The following CCBE1 variants were observed in gnomAD, a reference collection of about 807,000 sequenced individuals.
CCBE1 encodes the protein collagen and calcium binding EGF domains 1, also known as collagen and calcium-binding EGF domain-containing protein 1.
CCBE1 carries 37 observed loss-of-function variants against 50.0 expected under a neutral mutation model. The ratio of observed to expected loss-of-function variants is 0.74; its 90% CI spans 0.57 to 0.97. The LOEUF (loss-of-function observed/expected upper bound fraction) is 0.97, where lower values mean the gene tolerates loss of function less well. CCBE1 is among the 50% of genes least tolerant of loss of function. The pLI is 0.00. For synonymous variants in CCBE1, 234 were observed against 203.7 expected (o/e 1.15, Z -1.27); for missense variants, 538 against 523.8 (o/e 1.03, Z -0.26).
At chr18:59,525,137 T>C (rs1330130963) in intron 2 of CCBE1, among the ~76,000 whole-genome samples, 1 of 152,238 alleles carries the variant, frequency 6.6e-6, no homozygotes, top group Non-Finnish European at 1.5e-5. Flanking sequence ...TTCTAGGTCT[T>C]TGAGGAATCA....
intron 2 of CCBE1, among the ~76,000 whole-genome samples, chr18:59,518,936 A>C (rs980798420): frequency 2.0e-5 from 3 of 152,196 alleles, no homozygotes; most frequent in African/African-American, 7.2e-5. Flanking sequence ...TATGATTCCC[A>C]GAGTTCCCAG....
At chr18:59,674,469 G>C (rs2054472876) in intron 2 of CCBE1, among the ~76,000 whole-genome samples, 1 of 152,142 alleles carries the variant, frequency 6.6e-6, no homozygotes, top group African/African-American at 2.4e-5. Flanking sequence ...GGGCCTGTCG[G>C]TGGGTAGGGG....
chr18:59,550,381 A>G lies in CCBE1; in HGVS notation c.213-70143T>C, dbSNP rs546650889. Among the ~76,000 whole-genome samples, 4 of 152,342 alleles carry G rather than the reference A, an allele frequency of 2.6e-5. No individual in the cohort carries two copies. In the South Asian group the frequency reaches 8.3e-4, roughly 32 times the overall value. ...TTGTGACAGAGGCAATCTAGCCTCA[A>G]AAGCCTAAAATAACTATCTGGCCTT... On this transcript the variant is annotated intron_variant, in intron 2 of 10. Transcript: ENST00000439986.
chr18:59,630,126 T>G (rs1306314068), intron 2 of CCBE1, among the ~76,000 whole-genome samples: 1 of 152,196 alleles, frequency 6.6e-6, no homozygotes, highest in Non-Finnish European at 1.5e-5. Flanking sequence ...CCAGCCACCA[T>G]GTGCGGCAAA....
chr18:59,634,824 C>T (rs572155458), intron 2 of CCBE1, among the ~76,000 whole-genome samples: 2 of 152,094 alleles, frequency 1.3e-5, no homozygotes, highest in Admixed American at 6.5e-5. Flanking sequence ...CAGATAGAGT[C>T]GACACAGTTA....
At chr18:59,691,643 A>T (rs1463400094) in intron 2 of CCBE1, among the ~76,000 whole-genome samples, 3 of 152,154 alleles carry the variant, frequency 2.0e-5, no homozygotes, top group South Asian at 2.1e-4. Context: ...TGACCTCGTG[A>T]TCTGCCTGCC....
intron 2 of CCBE1, among the ~76,000 whole-genome samples, chr18:59,634,823 T>A (rs1355392574): frequency 6.6e-6 from 1 of 151,102 alleles, no homozygotes; most frequent in African/African-American, 2.4e-5. Context: ...TCAGATAGAG[T>A]CGACACAGTT....
chr18:59,626,761 G>A (rs1425755714), intron 2 of CCBE1, among the ~76,000 whole-genome samples: 1 of 152,230 alleles, frequency 6.6e-6, no homozygotes, highest in Non-Finnish European at 1.5e-5. Context: ...ACCTCTATGG[G>A]AATTTACTTA....
chr18:59,683,776 G>T (rs1461918058), intron 2 of CCBE1, among the ~76,000 whole-genome samples: 1 of 152,108 alleles, frequency 6.6e-6, no homozygotes, highest in East Asian at 1.9e-4. Flanking sequence ...GCAGGACCTG[G>T]AGATGCCGCC....
At chr18:59,521,426 TTTG>T (rs1322447705) in intron 2 of CCBE1, among the ~76,000 whole-genome samples, 2 of 152,082 alleles carry the variant, frequency 1.3e-5, no homozygotes, top group African/African-American at 4.8e-5. Context: ...TTGTTTGTTT[TTTG>T]TTTTTTTTTC....
chr18:59,633,059 A>T (rs1158349196), intron 2 of CCBE1, among the ~76,000 whole-genome samples: 1 of 152,190 alleles, frequency 6.6e-6, no homozygotes, highest in Non-Finnish European at 1.5e-5. Context: ...AAGAGGGGAC[A>T]ATCCAAACAG....
At chr18:59,594,741 G>A (rs2053325658) in intron 2 of CCBE1, among the ~76,000 whole-genome samples, 1 of 152,114 alleles carries the variant, frequency 6.6e-6, no homozygotes, top group Non-Finnish European at 1.5e-5. Flanking sequence ...TTTAACCCGA[G>A]TCTGCACCCT....
rs188287392 is a variant in CCBE1 at position 59,594,538 on chromosome 18, T to A, written c.212+102091A>T. On this transcript the variant is annotated intron_variant, in intron 2 of 10. Transcript: ENST00000439986. ...TCACTTAATGGTGAAAGCAGTAAGC[T>A]TCTGTTATGTATGTTTTTCTACAAA... Among the ~76,000 whole-genome samples the A allele has an allele frequency of 2.6e-5, 4 of 152,346 alleles. No homozygotes were observed. In the East Asian group the frequency reaches 7.7e-4, roughly 29 times the overall value.
chr18:59,469,751 C>G, intron 3 of CCBE1, 144 bp from the exon 4 acceptor site: 2 of 1,052,610 alleles, frequency 1.9e-6, no homozygotes, highest in South Asian at 2.6e-5. Flanking sequence ...GACAGGAACT[C>G]TTTAGGGCTG....
rs372499913 is a variant in CCBE1 at position 59,469,553 on chromosome 18, C to T, written c.320G>A (p.Gly107Asp). The T allele has an allele frequency of 4.3e-6, 7 of 1,614,064 alleles. No individual in the cohort carries two copies. In the African/African-American group the frequency reaches 6.7e-5, roughly 15 times the overall value. ...CGGATAACAAGTACACAGCACTCGG[C>T]CAAAGTTGTCCGTGCACTGCTGTTC... ...PCEQQCTDNF[G>D]RVLCTCYPGY... Residue 107 changes from glycine (G) to aspartate (D), a missense_variant, in exon 4 of 11, where the codon GGC (glycine) becomes GAC (aspartate). By Grantham distance (94) the Gly-to-Asp change is moderately conservative. Coordinates refer to ENST00000439986, the MANE Select transcript of CCBE1 (RefSeq NM_133459.4).
At chr18:59,683,845 C>A (rs1056403793) in intron 2 of CCBE1, among the ~76,000 whole-genome samples, 5 of 152,014 alleles carry the variant, frequency 3.3e-5, no homozygotes, top group African/African-American at 1.2e-4. Flanking sequence ...GCTGGAGCAT[C>A]CCAGTCAGTA....
In CCBE1 at chr18:59,572,998, A is replaced by G. The variant is rs570848252; in HGVS notation, c.213-92760T>C. Among the ~76,000 whole-genome samples the G allele has an allele frequency of 8.5e-5, 13 of 152,074 alleles. No individual in the cohort carries two copies. The South Asian group carries it at 2.7e-3, about 32-fold the overall frequency. ...AAGTATACTGCCTTTAATACTGTGCATAAGGCTGGGCACAGTGGCTCACAC... is the reference window on the plus strand; with the variant it reads ...AAGTATACTGCCTTTAATACTGTGCGTAAGGCTGGGCACAGTGGCTCACAC... On this transcript the variant is annotated intron_variant, in intron 2 of 10. Transcript: ENST00000439986.
At chr18:59,591,195 G>T (rs1318137343) in intron 2 of CCBE1, among the ~76,000 whole-genome samples, 1 of 29,686 alleles carries the variant, frequency 3.4e-5, no homozygotes, top group Non-Finnish European at 4.9e-5. Flanking sequence ...GCAGTGAGCC[G>T]AGATTGCGCC....
chr18:59,567,381 G>A (rs527698654), intron 2 of CCBE1, among the ~76,000 whole-genome samples: 19 of 152,264 alleles, frequency 1.2e-4, no homozygotes, highest in African/African-American at 4.6e-4. Flanking sequence ...TGATCCATCC[G>A]CCTTGGCCTC....
Sources: allele counts gnomAD v4.1 joint callset (sites outside exome capture counted in the v4.1 genomes callset), GRCh38; gene constraint gnomAD v4.1.1; transcripts MANE v1.5; gene names NCBI Gene and HGNC (gene_info 2026-07-23, HGNC 2026-07-21).